The following ZBTB7C variants were observed in gnomAD, a reference collection of about 807,000 sequenced individuals.
ZBTB7C encodes the protein zinc finger and BTB domain-containing protein 7C.
In ZBTB7C, 8 loss-of-function variants were observed where a neutral mutation model predicts 25.7. That is an observed-to-expected ratio of 0.31 (90% confidence interval 0.18 to 0.56). The LOEUF (loss-of-function observed/expected upper bound fraction) is 0.56, where lower values mean the gene tolerates loss of function less well. Among genes scored for constraint, ZBTB7C ranks in the 20% least tolerant of loss-of-function variants. The pLI is 0.91. For missense variants in ZBTB7C, 824 were observed against 855.2 expected, an observed-to-expected ratio of 0.96 and a Z score of 0.46; for synonymous variants, 394 against 369.0, an observed-to-expected ratio of 1.07 and a Z score of -0.78.
intron 3 of ZBTB7C, among the ~76,000 whole-genome samples, chr18:48,110,708 CCCAGACCTGAGGGCACCAGCAG>C (rs1171889855): frequency 4.6e-5 from 7 of 152,156 alleles, no homozygotes; most frequent in African/African-American, 7.2e-5. Context: ...CTTCCTTCTG[CCCAGACCTGAGGGCACCAGCAG>C]CCACTGCCTG....
chr18:48,126,977 A>G lies in ZBTB7C; in HGVS notation c.-17+58957T>C, dbSNP rs564569919. 1.9e-3 allele frequency among the ~76,000 whole-genome samples: 295 copies of G among 152,296 alleles called. 1 individual carries two copies. Among genetic ancestry groups the G allele is most frequent in the African/African-American group, 6.9e-3 (285 of 41,560 alleles). ...AGGGAAAAGAGAACCTTCAAGGTTC[A>G]AGGGCAAGAGCAATGAAGGAAGATG... is the stretch of plus-strand genomic sequence containing the variant. On this transcript the variant is annotated intron_variant, in intron 3 of 4. Transcript: ENST00000590800.
At chr18:48,199,206 G>A (rs1017987847) in intron 2 of ZBTB7C, among the ~76,000 whole-genome samples, 5 of 152,120 alleles carry the variant, frequency 3.3e-5, no homozygotes, top group African/African-American at 7.2e-5. Context: ...GATGTGCCCC[G>A]TTGTGGGTCT....
intron 3 of ZBTB7C, among the ~76,000 whole-genome samples, chr18:48,060,328 G>A (rs980614208): frequency 1.3e-5 from 2 of 152,160 alleles, no homozygotes; most frequent in Admixed American, 6.5e-5. Context: ...CGGGGATGGG[G>A]ATGGCCACCC....
chr18:48,264,068 A>G (rs530956206), intron 2 of ZBTB7C, among the ~76,000 whole-genome samples: 17 of 152,348 alleles, frequency 1.1e-4, no homozygotes, highest in Admixed American at 8.5e-4. Context: ...TTGGGACTTC[A>G]TCCTAAAAGA....
At chr18:48,208,775 C>T (rs1262080595) in intron 2 of ZBTB7C, among the ~76,000 whole-genome samples, 1 of 152,202 alleles carries the variant, frequency 6.6e-6, no homozygotes, top group Non-Finnish European at 1.5e-5. Context: ...TGAGGTGTGC[C>T]ACTTCCTTAT....
chr18:48,406,872 T>C (rs2048294610), intron 1 of ZBTB7C, among the ~76,000 whole-genome samples: 2 of 152,260 alleles, frequency 1.3e-5, no homozygotes, highest in Admixed American at 1.3e-4. Flanking sequence ...CCTAGAGTAT[T>C]ATGGTTTTGG....
intron 3 of ZBTB7C, among the ~76,000 whole-genome samples, chr18:48,093,635 C>A (rs1009367122): frequency 2.6e-5 from 4 of 151,952 alleles, no homozygotes; most frequent in African/African-American, 9.7e-5. Context: ...AACACACACA[C>A]AGAGATTCAT....
intron 2 of ZBTB7C, among the ~76,000 whole-genome samples, chr18:48,201,927 C>A (rs769187731): frequency 4.6e-5 from 7 of 152,238 alleles, no homozygotes; most frequent in Non-Finnish European, 1.0e-4. Context: ...TTTCCACTAC[C>A]CTTTGTGGCT....
At chr18:48,291,959 A>G (rs1169863539) in intron 2 of ZBTB7C, among the ~76,000 whole-genome samples, 2 of 152,192 alleles carry the variant, frequency 1.3e-5, no homozygotes, top group Admixed American at 1.3e-4. Flanking sequence ...GCACTTTGGG[A>G]GGCTGAGGCA....
At chr18:48,038,177 C>A (rs2036057678) in intron 4 of ZBTB7C, among the ~76,000 whole-genome samples, 1 of 152,068 alleles carries the variant, frequency 6.6e-6, no homozygotes, top group Non-Finnish European at 1.5e-5. Flanking sequence ...TGGGGAGTAA[C>A]AGGAGCAGGG....
chr18:48,408,859 G>A (rs2048342092), intron 1 of ZBTB7C, among the ~76,000 whole-genome samples: 1 of 151,450 alleles, frequency 6.6e-6, no homozygotes, highest in Non-Finnish European at 1.5e-5. Flanking sequence ...CCGGGCCGCG[G>A]TGCCAGCCAG....
chr18:48,139,823 G>T lies in ZBTB7C; in HGVS notation c.-17+46111C>A, dbSNP rs1302121647. Reference sequence around the variant, plus strand: ...GCTCCCAAAGCCACCCACAGAAGGGGCTCTGGATGCACCAGACTCCAGATC... The same window carrying T: ...GCTCCCAAAGCCACCCACAGAAGGGTCTCTGGATGCACCAGACTCCAGATC... On this transcript the variant is annotated intron_variant, in intron 3 of 4. Coordinates refer to ENST00000590800, the MANE Select transcript of ZBTB7C (RefSeq NM_001318841.2). Among the ~76,000 whole-genome samples the T allele has an allele frequency of 7.2e-5, 11 of 152,248 alleles. No homozygotes were observed. In the South Asian group the frequency reaches 1.7e-3, roughly 23 times the overall value.
At chr18:48,237,478 A>G (rs2043410999) in intron 2 of ZBTB7C, among the ~76,000 whole-genome samples, 1 of 152,084 alleles carries the variant, frequency 6.6e-6, no homozygotes, top group African/African-American at 2.4e-5. Flanking sequence ...AATATAAGAA[A>G]AGATGCTCAA....
chr18:48,161,441 G>A (rs895361217), intron 3 of ZBTB7C, among the ~76,000 whole-genome samples: 9 of 152,026 alleles, frequency 5.9e-5, no homozygotes, highest in South Asian at 2.1e-4. Context: ...GCGGATTCAC[G>A]AAAAATTCCC....
intron 3 of ZBTB7C, among the ~76,000 whole-genome samples, chr18:48,097,915 A>G (rs2038698116): frequency 2.6e-5 from 4 of 151,794 alleles, no homozygotes; most frequent in Admixed American, 1.3e-4. Flanking sequence ...CATCTTCACT[A>G]ATACAATACC....
At chr18:48,247,694 T>C (rs1473708463) in intron 2 of ZBTB7C, among the ~76,000 whole-genome samples, 1 of 152,104 alleles carries the variant, frequency 6.6e-6, no homozygotes, top group Non-Finnish European at 1.5e-5. Context: ...ATCCCCATAA[T>C]CCCCACATGT....
At chr18:48,034,349 C>T (rs536090292) in intron 4 of ZBTB7C, among the ~76,000 whole-genome samples, 9 of 152,234 alleles carry the variant, frequency 5.9e-5, no homozygotes, top group African/African-American at 1.2e-4. Context: ...GACTGCCGGT[C>T]CCCCAGTGCA....
At chr18:48,143,006 T>C (rs1005381792) in intron 3 of ZBTB7C, among the ~76,000 whole-genome samples, 2 of 152,172 alleles carry the variant, frequency 1.3e-5, no homozygotes, top group Non-Finnish European at 2.9e-5. Flanking sequence ...GCTGACCTTC[T>C]TCTAGCAGGG....
At chr18:48,286,088 T>G (rs2045041910) in intron 2 of ZBTB7C, among the ~76,000 whole-genome samples, 1 of 152,180 alleles carries the variant, frequency 6.6e-6, no homozygotes, top group African/African-American at 2.4e-5. Context: ...TGGCCTAAGC[T>G]CCCACTATGC....
Sources: gnomAD v4.1 joint callset for allele counts (sites outside exome capture counted in the v4.1 genomes callset) on GRCh38, gnomAD v4.1.1 for gene constraint, MANE v1.5 for transcripts, NCBI Gene and HGNC (gene_info 2026-07-23, HGNC 2026-07-21) for gene names.